The following KANK1 variants were observed in gnomAD, a reference collection of about 807,000 sequenced individuals.
The protein encoded by KANK1 is KN motif and ankyrin repeat domain-containing protein 1.
Under a neutral mutation model 106.2 loss-of-function variants are expected in KANK1, and 109 were observed. The ratio of observed to expected loss-of-function variants is 1.03; its 90% CI spans 0.88 to 1.20. The LOEUF (loss-of-function observed/expected upper bound fraction) is 1.20, where lower values mean the gene tolerates loss of function less well. KANK1 is among the 50% of genes most tolerant of loss of function. The pLI is 0.00. For missense variants in KANK1, 2,399 were observed against 1,710.7 expected (o/e 1.40, Z -7.10); for synonymous variants, 873 against 652.2 (o/e 1.34, Z -5.16).
At chr9:651,132 A>G (rs10156581) in intron 1 of KANK1, among the ~76,000 whole-genome samples, 22,824 of 152,174 alleles carry the variant, frequency 0.15, 1,873 homozygotes, top group Admixed American at 0.18. Context: ...AACCCCTTCA[A>G]TTGTTAAAGC....
intron 1 of KANK1, among the ~76,000 whole-genome samples, chr9:588,114 A>G (rs1563816316): frequency 6.6e-6 from 1 of 151,922 alleles, no homozygotes; most frequent in East Asian, 1.9e-4. Context: ...CCATGTTCAC[A>G]TAGCTGGTAA....
chr9:532,637 A>G (rs2060117435), intron 1 of KANK1, among the ~76,000 whole-genome samples: 1 of 152,016 alleles, frequency 6.6e-6, no homozygotes, highest in South Asian at 2.1e-4. Context: ...AACATTCCTT[A>G]TATGAAAGTC....
At chr9:515,768 A>G (rs1329703052) in intron 1 of KANK1, among the ~76,000 whole-genome samples, 2 of 151,814 alleles carry the variant, frequency 1.3e-5, no homozygotes, top group Non-Finnish European at 2.9e-5. Flanking sequence ...AAAAAGGGGA[A>G]TTGTTAACGT....
At chr9:520,658 G>C (rs1041257155) in intron 1 of KANK1, among the ~76,000 whole-genome samples, 6 of 151,742 alleles carry the variant, frequency 4.0e-5, no homozygotes, top group Non-Finnish European at 7.4e-5. Context: ...TTTAGAATTG[G>C]TTAAATCTGC....
chr9:575,508 GA>G (rs36033779), intron 1 of KANK1, among the ~76,000 whole-genome samples: 92,365 of 128,252 alleles, frequency 0.72, 32,604 homozygotes, highest in South Asian at 0.75. Context: ...TCTCTACAGG[GA>G]AAAAAAAAAA....
intron 2 of KANK1, among the ~76,000 whole-genome samples, chr9:704,353 A>G (rs944160240): frequency 8.5e-5 from 13 of 152,218 alleles, no homozygotes; most frequent in African/African-American, 2.9e-4. Flanking sequence ...ACCCCTAGAT[A>G]TGAACTCATG....
intron 1 of KANK1, among the ~76,000 whole-genome samples, chr9:578,585 C>A (rs910723288): frequency 6.6e-5 from 10 of 151,954 alleles, no homozygotes; most frequent in Non-Finnish European, 1.3e-4. Flanking sequence ...GAGTATATCT[C>A]AATGTTGATT....
intron 1 of KANK1, among the ~76,000 whole-genome samples, chr9:561,692 C>T (rs913109186): frequency 1.3e-5 from 2 of 152,154 alleles, no homozygotes; most frequent in Non-Finnish European, 2.9e-5. Flanking sequence ...AGGATTTTGG[C>T]AGTGGGTTGA....
intron 1 of KANK1, among the ~76,000 whole-genome samples, chr9:584,628 C>G (rs945620837): frequency 3.9e-5 from 6 of 152,110 alleles, no homozygotes; most frequent in Admixed American, 1.3e-4. Flanking sequence ...GCATTTGAGA[C>G]TTGATAACAT....
chr9:651,838 T>C (rs1280490416), intron 1 of KANK1, among the ~76,000 whole-genome samples: 1 of 152,230 alleles, frequency 6.6e-6, no homozygotes, highest in Non-Finnish European at 1.5e-5. Flanking sequence ...GGTTGAGTTT[T>C]ATAAAATATA....
intron 2 of KANK1, among the ~76,000 whole-genome samples, chr9:689,395 C>T (rs1415363554): frequency 6.6e-6 from 1 of 152,186 alleles, no homozygotes; most frequent in East Asian, 1.9e-4. Context: ...TCAGACCCCT[C>T]TGCCGGGGCA....
chr9:630,415 G>C (rs1298101583), intron 1 of KANK1, among the ~76,000 whole-genome samples: 2 of 152,066 alleles, frequency 1.3e-5, no homozygotes, highest in South Asian at 2.1e-4. Context: ...GCCAGGCATG[G>C]TGGCGGGCGC....
At chr9:574,904 A>G (rs1247148032) in intron 1 of KANK1, among the ~76,000 whole-genome samples, 3 of 151,888 alleles carry the variant, frequency 2.0e-5, no homozygotes, top group Middle Eastern at 6.8e-3. Flanking sequence ...TTAAGTGTAT[A>G]TATTTTTTAA....
chr9:602,112 C>T (rs551271389), intron 1 of KANK1, among the ~76,000 whole-genome samples: 1 of 151,844 alleles, frequency 6.6e-6, no homozygotes, highest in Non-Finnish European at 1.5e-5. Flanking sequence ...AAAATAGGTT[C>T]TTTATCAATG....
intron 1 of KANK1, among the ~76,000 whole-genome samples, chr9:554,855 G>A (rs1373107766): frequency 6.6e-6 from 1 of 152,120 alleles, no homozygotes; most frequent in African/African-American, 2.4e-5. Context: ...TTTAAAAAAC[G>A]AGATCTTTCG....
chr9:721,430 C>G (rs550682685), intron 3 of KANK1, among the ~76,000 whole-genome samples: 11 of 152,146 alleles, frequency 7.2e-5, no homozygotes, highest in South Asian at 2.1e-4. Context: ...AAAGGGGGGG[C>G]CATATGGCAA....
chr9:600,944 G>T (rs1443911469), intron 1 of KANK1, among the ~76,000 whole-genome samples: 1 of 151,732 alleles, frequency 6.6e-6, no homozygotes, highest in African/African-American at 2.4e-5. Flanking sequence ...TCACTGTGAT[G>T]TTCTGTCTTT....
rs566657045 is a variant in KANK1, at chr9:491,684, A to G, written c.-362+18411A>G. Among the ~76,000 whole-genome samples the G allele has an allele frequency of 2.0e-5, 3 of 152,290 alleles. No individual in the cohort carries two copies. In the South Asian group the frequency reaches 6.2e-4, roughly 32 times the overall value. On this transcript the variant is annotated intron_variant, in intron 3 of 15. Coordinates refer to the KANK1 transcript ENST00000382303. ...GGGCGAGAAAAGGGAAACGTCAAAC[A>G]CAAATCACCTAAAGCAGGAGTGATA...
intron 1 of KANK1, among the ~76,000 whole-genome samples, chr9:628,028 A>C (rs1834772271): frequency 6.6e-6 from 1 of 152,230 alleles, no homozygotes; most frequent in African/African-American, 2.4e-5. Flanking sequence ...GTATAATTTT[A>C]TTGGCACAAT....
Sources: allele counts gnomAD v4.1 joint callset (sites outside exome capture counted in the v4.1 genomes callset), GRCh38; gene constraint gnomAD v4.1.1; transcripts MANE v1.5; gene names NCBI Gene and HGNC (gene_info 2026-07-23, HGNC 2026-07-21).